The following FREM1 variants were observed in gnomAD, a reference collection of about 807,000 sequenced individuals.
FREM1 encodes the protein FRAS1 related extracellular matrix 1, also known as FRAS1-related extracellular matrix protein 1.
Under a neutral mutation model 210.1 loss-of-function variants are expected in FREM1, and 220 were observed. That is an observed-to-expected ratio of 1.05 (90% CI 0.94 to 1.17). FREM1 has a LOEUF of 1.17. Ranked by LOEUF, FREM1 falls within the 50% of genes most tolerant of loss-of-function variation. The pLI is 0.00. For synonymous variants in FREM1, 1,189 were observed against 980.2 expected (o/e 1.21, Z -3.98); for missense variants, 3,454 against 2,675.5 (o/e 1.29, Z -6.42).
Position 14,804,998 on chromosome 9 carries a change from G to T in FREM1, c.3429C>A (p.Pro1143=), listed in dbSNP as rs1165760471. 1.9e-6 allele frequency: 3 copies of T among 1,613,542 alleles called. No homozygotes were observed. Among genetic ancestry groups the T allele is most frequent in the Non-Finnish European group, 2.5e-6 (3 of 1,179,500 alleles). ...LEIPFSIIIN[P]TNDEAPDFVV... ...CAAAGTCAGGAGCTTCATCATTTGT[G>T]GGGTTGATTATAATAGAAAATGGTA... Residue 1143 remains proline, a synonymous_variant, in exon 19 of 37, where the codon CCC becomes CCA. Transcript: ENST00000380880.
intron 2 of FREM1, among the ~76,000 whole-genome samples, chr9:14,866,011 T>TACC (rs1205839540): frequency 2.0e-5 from 3 of 152,156 alleles, no homozygotes; most frequent in African/African-American, 7.2e-5. Flanking sequence ...ATAAATCCCA[T>TACC]ACCGACTTTA....
In FREM1 at chr9:14,836,300, C is replaced by T. The variant is rs985327146; in HGVS notation, c.1881+5147G>A. 5.3e-5 allele frequency among the ~76,000 whole-genome samples: 8 copies of T among 152,178 alleles called. No homozygotes were observed. The highest frequency in any genetic ancestry group is 1.2e-4 in the Non-Finnish European group (8 of 68,026). On this transcript the variant is annotated intron_variant, in intron 10 of 36. Transcript: ENST00000380880. The surrounding 1 kb of genome is among the most constrained non-coding windows in gnomAD (Gnocchi z 4.9). ...GAGTTTTCATTGCTGTAGTATTTTGCTTAATTATTATCCTTATAACTGGGA... is the reference window on the plus strand; with the variant it reads ...GAGTTTTCATTGCTGTAGTATTTTGTTTAATTATTATCCTTATAACTGGGA...
chr9:14,872,104 T>C (rs553543548), intron 1 of FREM1, among the ~76,000 whole-genome samples: 1 of 152,350 alleles, frequency 6.6e-6, no homozygotes, highest in East Asian at 1.9e-4. Flanking sequence ...GGTAGCGTGA[T>C]GTCTCCAGCT....
At chr9:14,908,258 C>T (rs1440595754) in intron 1 of FREM1, among the ~76,000 whole-genome samples, 1 of 152,126 alleles carries the variant, frequency 6.6e-6, no homozygotes, top group South Asian at 2.1e-4. Context: ...ATGGTCCAAT[C>T]CAAAAATCAT....
chr9:14,819,081 A>G (rs1362974414), intron 14 of FREM1, among the ~76,000 whole-genome samples, 153 bp downstream of exon 14: 1 of 152,188 alleles, frequency 6.6e-6, no homozygotes, highest in Non-Finnish European at 1.5e-5. Flanking sequence ...AAAATTGATC[A>G]TTTGTAATTT....
intron 9 of FREM1, among the ~76,000 whole-genome samples, chr9:14,841,814 A>C (rs1177438951): frequency 6.6e-6 from 1 of 152,242 alleles, no homozygotes. Context: ...ATATGGAAAA[A>C]TTAGCATTAG....
intron 5 of FREM1, among the ~76,000 whole-genome samples, chr9:14,854,211 T>C (rs1018749753): frequency 2.6e-5 from 4 of 152,128 alleles, no homozygotes; most frequent in African/African-American, 2.4e-5. Context: ...TCAAATAAGA[T>C]AAAGGCAAAG....
chr9:14,793,143 A>C (rs75325237), intron 21 of FREM1, among the ~76,000 whole-genome samples: 7 of 152,216 alleles, frequency 4.6e-5, no homozygotes, highest in South Asian at 2.1e-4. Context: ...ACATGTACCA[A>C]ACTTTACAAT....
chr9:14,788,889 C>T (rs1042326820), intron 23 of FREM1, 30 bp downstream of exon 23: 9 of 1,568,630 alleles, frequency 5.7e-6, no homozygotes, highest in Non-Finnish European at 6.9e-6. Context: ...CAAAGTTGAT[C>T]CCAGTAAACC....
chr9:14,830,735 G>A (rs996317229), intron 10 of FREM1, among the ~76,000 whole-genome samples: 6 of 151,992 alleles, frequency 3.9e-5, no homozygotes, highest in Non-Finnish European at 5.9e-5. Flanking sequence ...ACCACTCCAC[G>A]TGTGTCCGTG....
intron 5 of FREM1, among the ~76,000 whole-genome samples, chr9:14,857,079 T>G (rs1231235032): frequency 6.6e-6 from 1 of 152,132 alleles, no homozygotes; most frequent in Admixed American, 6.5e-5. Context: ...GAGCTAGCCC[T>G]TCATCCCAAA....
At chr9:14,806,518 T>C in intron 18 of FREM1, 143 bp downstream of exon 18, 1 of 604,886 alleles carries the variant, frequency 1.7e-6, no homozygotes, top group Non-Finnish European at 2.9e-6. Context: ...CCTCCCAAAG[T>C]GCTGGGATTA....
rs1818063364 is a variant in FREM1, at chr9:14,804,857, T to C, written c.3471+99A>G. 5.0e-6 allele frequency: 4 copies of C among 803,294 alleles called. No homozygotes were observed. In the Admixed American group the frequency reaches 8.1e-5, roughly 16 times the overall value. 49.8% of individuals were successfully genotyped at this position (803,294 alleles called of 1,614,324 possible). ...CATAGCCTTCCCCACTCCTCACCAA[T>C]GCAATGTGTTAATGCACTTGGAGCA... On this transcript the variant is annotated intron_variant, in intron 19 of 36. Coordinates refer to ENST00000380880, the MANE Select transcript of FREM1 (RefSeq NM_001379081.2).
intron 15 of FREM1, among the ~76,000 whole-genome samples, chr9:14,814,077 C>A (rs1819881872): frequency 6.6e-6 from 1 of 152,174 alleles, no homozygotes; most frequent in Non-Finnish European, 1.5e-5. Flanking sequence ...CCCCACTGCC[C>A]ACGTCTCTTC....
At chr9:14,846,696 T>C (rs1588334328) in intron 7 of FREM1, among the ~76,000 whole-genome samples, 1 of 152,228 alleles carries the variant, frequency 6.6e-6, no homozygotes, top group East Asian at 1.9e-4. Flanking sequence ...TTATTTTTAG[T>C]ACTATTAACT....
At chr9:14,828,453 G>C (rs1191960836) in intron 10 of FREM1, among the ~76,000 whole-genome samples, 1 of 152,102 alleles carries the variant, frequency 6.6e-6, no homozygotes, top group African/African-American at 2.4e-5. Context: ...CACAGCTCGA[G>C]GGGAAATTTG....
intron 6 of FREM1, 88 bp from the exon 7 acceptor site, chr9:14,848,861 G>C (rs538799406): frequency 2.3e-5 from 16 of 692,388 alleles, no homozygotes; most frequent in Non-Finnish European, 3.7e-5. Flanking sequence ...ACACACAGTG[G>C]ATTCAGTTTT....
At chr9:14,750,995 C>T (rs996461463) in intron 29 of FREM1, among the ~76,000 whole-genome samples, 55 of 152,252 alleles carry the variant, frequency 3.6e-4, no homozygotes, top group African/African-American at 1.1e-3. Context: ...ATATCCCAGC[C>T]ATCCTGTCAA....
intron 27 of FREM1, among the ~76,000 whole-genome samples, chr9:14,764,067 G>A (rs1028228242): frequency 5.3e-5 from 8 of 152,158 alleles, no homozygotes; most frequent in African/African-American, 1.4e-4. Context: ...GGAGATAACT[G>A]AATCATGGGG....
Sources: gnomAD v4.1 joint callset for allele counts (sites outside exome capture counted in the v4.1 genomes callset) on GRCh38, gnomAD v4.1.1 for gene constraint, Gnocchi (gnomAD v3.1) non-coding constraint, MANE v1.5 for transcripts, NCBI Gene and HGNC (gene_info 2026-07-23, HGNC 2026-07-21) for gene names.